Variants in SLC7A2 observed in about 807,000 individuals in gnomAD.
The protein encoded by SLC7A2 is solute carrier family 7 member 2.
In SLC7A2, 48 loss-of-function variants were observed where a neutral mutation model predicts 58.9. The ratio of observed to expected loss-of-function variants is 0.82; its 90% CI spans 0.65 to 1.04. SLC7A2 has a LOEUF of 1.04. Ranked by LOEUF, SLC7A2 falls within the 50% of genes least tolerant of loss-of-function variation. The pLI is 0.00. For missense variants in SLC7A2, 1,029 were observed against 818.8 expected (o/e 1.26, Z -3.13); for synonymous variants, 363 against 314.5 (o/e 1.15, Z -1.63).
In SLC7A2 at chr8:17,505,042, G is replaced by C. The variant is rs545886296; in HGVS notation, c.-23+2740G>C. ...GTGGCTCCCTTGATGTTTTAGGGGA[G>C]TTAAGGAAATTAAGTGATGGAAGCA... On this transcript the variant is annotated intron_variant, in intron 2 of 12. Transcript: ENST00000494857. 9.2e-5 allele frequency among the ~76,000 whole-genome samples: 14 copies of C among 152,240 alleles called. No homozygotes were observed. The South Asian group carries it at 2.9e-3, about 32-fold the overall frequency.
In SLC7A2 at chr8:17,565,337, T is replaced by G. The variant is rs1219582077; in HGVS notation, c.*191T>G. On this transcript the variant is annotated 3_prime_UTR_variant, in exon 13 of 13. Coordinates refer to ENST00000494857, the MANE Select transcript of SLC7A2 (RefSeq NM_001370338.1). The stretch of plus-strand genomic sequence containing the variant: ...TATGTGCACGGGGAAACCTCCTGAG[T>G]GGAAGTTTCATTCATCAGTGATGAA... 7 of 562,760 alleles carry G rather than the reference T, an allele frequency of 1.2e-5. No individual in the cohort carries two copies. Among genetic ancestry groups the G allele is most frequent in the Non-Finnish European group, 2.2e-5 (7 of 320,114 alleles). The allele number at this position is 562,760 out of a possible 1,614,324, so 34.9% of individuals were successfully genotyped here.
At chr8:17,507,696 C>A in intron 2 of SLC7A2, among the ~76,000 whole-genome samples, 1 of 151,968 alleles carries the variant, frequency 6.6e-6, no homozygotes, top group East Asian at 1.9e-4. Flanking sequence ...AGAAAAAATA[C>A]AAATGAGTAA....
At chr8:17,511,905 T>C (rs955131536) in intron 2 of SLC7A2, among the ~76,000 whole-genome samples, 2 of 152,182 alleles carry the variant, frequency 1.3e-5, no homozygotes, top group African/African-American at 4.8e-5. Context: ...ACACTGACAC[T>C]ATGGAACTAT....
intron 2 of SLC7A2, among the ~76,000 whole-genome samples, chr8:17,524,990 G>T (rs1470781887): frequency 6.6e-6 from 1 of 152,134 alleles, no homozygotes; most frequent in Non-Finnish European, 1.5e-5. Context: ...ATGACTCAGA[G>T]CTCAGCTCTC....
intron 2 of SLC7A2, chr8:17,538,703 A>T: frequency 8.3e-7 from 1 of 1,202,858 alleles, no homozygotes; most frequent in Non-Finnish European, 1.2e-6. Flanking sequence ...CAAAATAAAA[A>T]AGATCTAGGG....
chr8:17,568,164 T>C lies in SLC7A2; in HGVS notation c.*3018T>C, dbSNP rs897734766. 3 of 152,146 alleles carry C rather than the reference T, an allele frequency of 2.0e-5. No homozygotes were observed. Among genetic ancestry groups the C allele is most frequent in the African/African-American group, 7.2e-5 (3 of 41,438 alleles). 9.4% of individuals were successfully genotyped at this position (152,146 alleles called of 1,614,324 possible). On this transcript the variant is annotated 3_prime_UTR_variant, in exon 13 of 13. Transcript: ENST00000494857. ...ATTGAGTAAAAGCAGCTTAAATTACTTTTCTTTTCTACATTAAGAAATATA... is the reference window on the plus strand; with the variant it reads ...ATTGAGTAAAAGCAGCTTAAATTACCTTTCTTTTCTACATTAAGAAATATA...
chr8:17,534,589 C>T (rs550755694), intron 2 of SLC7A2, among the ~76,000 whole-genome samples: 2 of 150,514 alleles, frequency 1.3e-5, no homozygotes, highest in East Asian at 4.0e-4. Context: ...TCTGACAATT[C>T]AAGGAGCTCA....
chr8:17,534,540 C>T lies in SLC7A2; in HGVS notation c.-22-8778C>T, dbSNP rs781493577. Among the ~76,000 whole-genome samples the T allele has an allele frequency of 4.9e-4, 74 of 152,190 alleles. 1 individual carries two copies. The highest frequency in any genetic ancestry group is 8.5e-4 in the Non-Finnish European group (58 of 68,016). Reference sequence around the variant, plus strand: ...ACCCACTCATTTAAAATACTCTGTTCCATGAAAATATCATGCCAAATATTA... The same window carrying T: ...ACCCACTCATTTAAAATACTCTGTTTCATGAAAATATCATGCCAAATATTA... On this transcript the variant is annotated intron_variant, in intron 2 of 12. Transcript: ENST00000494857.
At chr8:17,548,208 G>A (rs1802269777) in intron 4 of SLC7A2, among the ~76,000 whole-genome samples, 1 of 152,122 alleles carries the variant, frequency 6.6e-6, no homozygotes, top group African/African-American at 2.4e-5. Context: ...AGACATGGTG[G>A]CACACACCTG....
In SLC7A2 at chr8:17,569,524, T is replaced by C. The variant is rs989616037; in HGVS notation, c.*4378T>C. 1 of 152,206 alleles carries C rather than the reference T, an allele frequency of 6.6e-6. No individual in the cohort carries two copies. Among genetic ancestry groups the C allele is most frequent in the Non-Finnish European group, 1.5e-5 (1 of 68,034 alleles). 9.4% of individuals were successfully genotyped at this position (152,206 alleles called of 1,614,324 possible). The stretch of plus-strand genomic sequence containing the variant: ...ATATGAAAATAAGTTCATATAGATA[T>C]GAAATTGCTTGACTTTATTGTTTTG... On this transcript the variant is annotated 3_prime_UTR_variant, in exon 13 of 13. Transcript: ENST00000494857.
chr8:17,516,169 C>T (rs998163808), intron 2 of SLC7A2, among the ~76,000 whole-genome samples: 3 of 151,942 alleles, frequency 2.0e-5, no homozygotes, highest in Non-Finnish European at 4.4e-5. Flanking sequence ...TTTGCTTGTC[C>T]ACTTACTCCT....
chr8:17,523,948 G>A (rs1801118525), intron 2 of SLC7A2, among the ~76,000 whole-genome samples: 1 of 152,028 alleles, frequency 6.6e-6, no homozygotes, highest in Non-Finnish European at 1.5e-5. Context: ...CTAAGGACAT[G>A]AATAGACAAT....
At chr8:17,501,262 C>A (rs911538797) in intron 1 of SLC7A2, among the ~76,000 whole-genome samples, 1 of 152,144 alleles carries the variant, frequency 6.6e-6, no homozygotes, top group Admixed American at 6.5e-5. Context: ...GATCCGCCTG[C>A]CTCGGCTTTC....
In SLC7A2 at chr8:17,560,405, C is replaced by G. The variant is rs371563333; in HGVS notation, c.1376C>G (p.Thr459Ser). The change falls in exon 10 of 13, where the codon ACC (threonine) becomes AGC (serine). Residue 459 changes from threonine to serine, a missense_variant. Physicochemically the swap from Thr to Ser is moderately conservative, Grantham distance 58. Coordinates refer to ENST00000494857, the MANE Select transcript of SLC7A2 (RefSeq NM_001370338.1). ...KDGLGSSPRV[T>S]SKSESQVTML... Reference sequence around the variant, plus strand: ...GGTCTGGGATCGTCTCCCAGGGTAACCTCGAAGAGTGAGTCCCAGGTCACC... The same window carrying G: ...GGTCTGGGATCGTCTCCCAGGGTAAGCTCGAAGAGTGAGTCCCAGGTCACC... The G allele has an allele frequency of 6.2e-7, 1 of 1,614,116 alleles. No homozygotes were observed. The highest frequency in any genetic ancestry group is 1.1e-5 in the South Asian group (1 of 91,086).
chr8:17,553,986 T>A (rs563907415), intron 7 of SLC7A2, among the ~76,000 whole-genome samples: 13 of 152,276 alleles, frequency 8.5e-5, no homozygotes, highest in African/African-American at 3.1e-4. Context: ...TTTACGTAAA[T>A]TGATCTTCTT....
At chr8:17,553,258 C>T (rs539339606) in intron 7 of SLC7A2, among the ~76,000 whole-genome samples, 1 of 152,050 alleles carries the variant, frequency 6.6e-6, no homozygotes, top group African/African-American at 2.4e-5. Context: ...GCTAAGTTCC[C>T]GAGGCTGGTC....
intron 5 of SLC7A2, 86 bp downstream of exon 5, chr8:17,548,929 A>C (rs1158719227): frequency 9.2e-7 from 1 of 1,088,324 alleles, no homozygotes; most frequent in African/African-American, 1.6e-5. Flanking sequence ...TACTCTGCTA[A>C]TAAAGACATA....
At chr8:17,550,214 C>A (rs1405050656) in intron 5 of SLC7A2, 87 bp from the exon 6 acceptor site, 1 of 1,258,814 alleles carries the variant, frequency 7.9e-7, no homozygotes, top group Non-Finnish European at 1.1e-6. Flanking sequence ...AACACAACCA[C>A]CTTCCAAGGA....
intron 5 of SLC7A2, among the ~76,000 whole-genome samples, chr8:17,549,084 C>G (rs941233949): frequency 6.6e-6 from 1 of 152,142 alleles, no homozygotes; most frequent in African/African-American, 2.4e-5. Context: ...TGCAGGGAAA[C>G]TCTCCCTTAT....
Sources: allele counts gnomAD v4.1 joint callset (sites outside exome capture counted in the v4.1 genomes callset), GRCh38; gene constraint gnomAD v4.1.1; transcripts MANE v1.5; gene names NCBI Gene and HGNC (gene_info 2026-07-23, HGNC 2026-07-21).